The following MSH3 variants were observed in gnomAD, a reference collection of about 807,000 sequenced individuals.
MSH3 encodes DNA mismatch repair protein Msh3.
MSH3 carries 106 observed loss-of-function variants against 123.3 expected under a neutral mutation model. The ratio of observed to expected loss-of-function variants is 0.86; its 90% CI spans 0.73 to 1.01. MSH3 has a LOEUF of 1.01. MSH3 is among the 50% of genes least tolerant of loss of function. The pLI is 0.00. For missense variants in MSH3, 1,459 were observed against 1,347.6 expected (o/e 1.08, Z -1.29); for synonymous variants, 515 against 481.4 (o/e 1.07, Z -0.91).
chr5:80,654,905 G>GCCGCAGCGGCCGCAGCGGCCGCAGCGC lies in MSH3; in HGVS notation c.186_187insGCCGCAGCGGCCGCAGCGCCCGCAGCG (p.Ala62_Pro63insAlaAlaAlaAlaAlaAlaProAlaAla), dbSNP rs758718643. The GCCGCAGCGGCCGCAGCGGCCGCAGCGC allele has an allele frequency of 4.3e-5, 64 of 1,494,304 alleles. No individual in the cohort carries two copies. Among genetic ancestry groups the GCCGCAGCGGCCGCAGCGGCCGCAGCGC allele is most frequent in the African/African-American group, 5.8e-5 (3 of 51,624 alleles). The allele number at this position is 1,494,304 out of a possible 1,614,324, so 92.6% of individuals were successfully genotyped here. On this transcript the variant is annotated inframe_insertion, in exon 1 of 24. Transcript: ENST00000265081. Reference sequence around the variant, plus strand: ...TGCAGCGGCTGCAGCGGCCGCAGCGGCCGCAGCGCCCCCAGCGCCCCCAGC... The same window carrying GCCGCAGCGGCCGCAGCGGCCGCAGCGC: ...TGCAGCGGCTGCAGCGGCCGCAGCGGCCGCAGCGGCCGCAGCGGCCGCAGCGCCCGCAGCGCCCCCAGCGCCCCCAGC...
chr5:80,656,105 G>A (rs1476241591), intron 1 of MSH3, among the ~76,000 whole-genome samples: 1 of 152,206 alleles, frequency 6.6e-6, no homozygotes, highest in East Asian at 1.9e-4. Context: ...TAAGTAGGGT[G>A]ATTCAAGTTT....
intron 20 of MSH3, among the ~76,000 whole-genome samples, chr5:80,828,981 C>T (rs181338018): frequency 3.3e-5 from 5 of 152,180 alleles, no homozygotes; most frequent in African/African-American, 4.8e-5. Context: ...GAGATCTCAG[C>T]GAGGTTCTGT....
chr5:80,683,039 A>T (rs535792491), intron 8 of MSH3, among the ~76,000 whole-genome samples: 2 of 152,304 alleles, frequency 1.3e-5, no homozygotes, highest in South Asian at 4.1e-4. Context: ...ACAGGATCTC[A>T]TTCCTTTTCA....
intron 10 of MSH3, among the ~76,000 whole-genome samples, chr5:80,731,434 C>T (rs1422414874): frequency 1.3e-5 from 2 of 151,970 alleles, no homozygotes; most frequent in Non-Finnish European, 2.9e-5. Flanking sequence ...TCCATGGAGC[C>T]AAAGCCAAAA....
intron 20 of MSH3, among the ~76,000 whole-genome samples, chr5:80,844,175 G>A (rs915421093): frequency 6.6e-6 from 1 of 152,034 alleles, no homozygotes; most frequent in Non-Finnish European, 1.5e-5. Context: ...TCATTCAGGA[G>A]CAGGTTGTTC....
intron 2 of MSH3, among the ~76,000 whole-genome samples, chr5:80,660,187 G>A (rs557334944): frequency 3.0e-4 from 46 of 151,974 alleles, no homozygotes; most frequent in African/African-American, 9.6e-4. Flanking sequence ...GAGTTGAAAG[G>A]CACTTCTTTT....
intron 15 of MSH3, among the ~76,000 whole-genome samples, chr5:80,772,860 A>G (rs1336918184): frequency 6.6e-6 from 1 of 152,118 alleles, no homozygotes; most frequent in Non-Finnish European, 1.5e-5. Context: ...CTGAGTGAGG[A>G]AAAGGGACCC....
chr5:80,766,755 G>A (rs1437736326), intron 13 of MSH3, among the ~76,000 whole-genome samples: 3 of 151,578 alleles, frequency 2.0e-5, no homozygotes, highest in Admixed American at 6.6e-5. Flanking sequence ...AATTATTCAT[G>A]TTCATGTTAA....
intron 4 of MSH3, among the ~76,000 whole-genome samples, chr5:80,671,694 A>T (rs1310876027): frequency 6.6e-6 from 1 of 152,180 alleles, no homozygotes; most frequent in Non-Finnish European, 1.5e-5. Flanking sequence ...AGTGGGCAAT[A>T]TCTAAGCCAT....
Position 80,873,301 on chromosome 5 carries a change from T to G in MSH3, c.3302+14T>G, listed in dbSNP as rs1746254480. On this transcript the variant is annotated intron_variant, in intron 23 of 23. Coordinates refer to ENST00000265081, the MANE Select transcript of MSH3 (RefSeq NM_002439.5). Reference sequence around the variant, plus strand: ...AAATACGAAAAGGTCAGAGTGATTATGCTGCATTTTTTCATTTGTAATGAA... The same window carrying G: ...AAATACGAAAAGGTCAGAGTGATTAGGCTGCATTTTTTCATTTGTAATGAA... The G allele has an allele frequency of 6.2e-7, 1 of 1,613,398 alleles. No homozygotes were observed. The highest frequency in any genetic ancestry group is 1.3e-5 in the African/African-American group (1 of 74,916).
chr5:80,787,527 GT>G, intron 17 of MSH3, 37 bp from the exon 18 acceptor site: 1 of 1,340,866 alleles, frequency 7.5e-7, no homozygotes, highest in Non-Finnish European at 1.1e-6. Flanking sequence ...TAAGATATCA[GT>G]TTGCTCACCT....
intron 7 of MSH3, among the ~76,000 whole-genome samples, chr5:80,678,693 C>A (rs1348965618): frequency 6.6e-6 from 1 of 152,046 alleles, no homozygotes; most frequent in East Asian, 1.9e-4. Context: ...AACTCCAGGC[C>A]TTGTATTCAG....
chr5:80,855,528 G>C (rs1336321543), intron 21 of MSH3: 1 of 152,026 alleles, frequency 6.6e-6, no homozygotes, highest in Non-Finnish European at 1.5e-5. Context: ...GGAGATCATG[G>C]GGCAGCATCC....
chr5:80,671,546 G>T (rs927121331), intron 4 of MSH3, among the ~76,000 whole-genome samples: 1 of 152,206 alleles, frequency 6.6e-6, no homozygotes, highest in East Asian at 1.9e-4. Context: ...GAGAGAAACT[G>T]TCTAGGTTAA....
chr5:80,695,426 C>G (rs892774450), intron 8 of MSH3, among the ~76,000 whole-genome samples: 4 of 152,142 alleles, frequency 2.6e-5, no homozygotes, highest in Non-Finnish European at 5.9e-5. Flanking sequence ...CCTCCGCCCC[C>G]CGGGTTCAAG....
At chr5:80,656,071 T>C (rs1749276655) in intron 1 of MSH3, among the ~76,000 whole-genome samples, 1 of 152,220 alleles carries the variant, frequency 6.6e-6, no homozygotes, top group South Asian at 2.1e-4. Context: ...GTTTATTTCT[T>C]AGAGGTATTT....
At chr5:80,852,198 C>T (rs773851574) in intron 20 of MSH3, among the ~76,000 whole-genome samples, 6 of 152,078 alleles carry the variant, frequency 3.9e-5, no homozygotes, top group Admixed American at 2.0e-4. Flanking sequence ...TGGTGGCATG[C>T]GCCAGTGGTC....
chr5:80,841,044 A>G (rs914640195), intron 20 of MSH3, among the ~76,000 whole-genome samples: 4 of 146,024 alleles, frequency 2.7e-5, no homozygotes, highest in Non-Finnish European at 6.0e-5. Context: ...TCCTAATGCT[A>G]TCCCTCCCCA....
chr5:80,695,167 G>A lies in MSH3; in HGVS notation c.1340+16074G>A, dbSNP rs531811679. Among the ~76,000 whole-genome samples the A allele has an allele frequency of 9.4e-5, 14 of 149,714 alleles. No individual in the cohort carries two copies. In the South Asian group the frequency reaches 1.5e-3, roughly 16 times the overall value. The stretch of plus-strand genomic sequence containing the variant: ...GTTAGATCTTTTGTTATAGTCCCTG[G>A]GGCTCTATTCATTTTATTTTTATTG... On this transcript the variant is annotated intron_variant, in intron 8 of 23. Transcript: ENST00000265081.
Sources: allele counts gnomAD v4.1 joint callset (sites outside exome capture counted in the v4.1 genomes callset), GRCh38; gene constraint gnomAD v4.1.1; transcripts MANE v1.5; gene names NCBI Gene and HGNC (gene_info 2026-07-23, HGNC 2026-07-21).